Variants in CAGE1 observed in about 807,000 individuals in gnomAD.
The protein encoded by CAGE1 is cancer antigen 1.
In CAGE1, 66 loss-of-function variants were observed where a neutral mutation model predicts 94.9. The ratio of observed to expected loss-of-function variants is 0.70; its 90% CI spans 0.57 to 0.85. The LOEUF is 0.85. Among genes scored for constraint, CAGE1 ranks in the 40% least tolerant of loss-of-function variants. The pLI is 0.00. For synonymous variants in CAGE1, 319 were observed against 321.0 expected, an observed-to-expected ratio of 0.99 and a Z score of 0.07; for missense variants, 865 against 950.4, an observed-to-expected ratio of 0.91 and a Z score of 1.18.
At chr6:7,358,027 G>GATATAGATATATATATATATATAT (rs1748233178) in intron 9 of CAGE1, among the ~76,000 whole-genome samples, 1 of 48,074 alleles carries the variant, frequency 2.1e-5, no homozygotes, top group African/African-American at 5.9e-5. Context: ...TAAGTTTTGA[G>GATATAGATATATATATATATATAT]ATATATATAT....
chr6:7,334,725 CAAAAAAA>C (rs58790989), intron 11 of CAGE1, among the ~76,000 whole-genome samples: 5 of 67,918 alleles, frequency 7.4e-5, no homozygotes, highest in African/African-American at 4.1e-4. Context: ...GACTCTCTCT[CAAAAAAA>C]AAAAAAAAAA....
chr6:7,389,311 C>T lies in CAGE1; in HGVS notation c.-133G>A, dbSNP rs1290361384. 1 of 456,302 alleles carries T rather than the reference C, an allele frequency of 2.2e-6. No individual in the cohort carries two copies. The highest frequency in any genetic ancestry group is 2.3e-5 in the Admixed American group (1 of 42,582). The allele number at this position is 456,302 out of a possible 1,614,324, so 28.3% of individuals were successfully genotyped here. A position where few individuals can be genotyped will look rare whatever the true frequency, so the allele number is the denominator to read the frequency against. Reference sequence around the variant, plus strand: ...CAGGATCCATAGTTTCTTGGACCCACGCTACGGACCTGGCTCTCCCTCCCT... The same window carrying T: ...CAGGATCCATAGTTTCTTGGACCCATGCTACGGACCTGGCTCTCCCTCCCT... On this transcript the variant is annotated 5_prime_UTR_variant, in exon 1 of 14. In the 5' UTR this introduces an upstream ATG that the reference lacks. Coordinates refer to ENST00000502583, the MANE Select transcript of CAGE1 (RefSeq NM_001170692.2).
intron 2 of CAGE1, among the ~76,000 whole-genome samples, chr6:7,386,776 G>A (rs1427011026): frequency 6.6e-6 from 1 of 152,142 alleles, no homozygotes; most frequent in Non-Finnish European, 1.5e-5. Context: ...TAGCAGAGAT[G>A]GGGTCTCACC....
Position 7,329,865 on chromosome 6 carries a change from G to T in CAGE1, c.2462C>A (p.Pro821Gln). The T allele has an allele frequency of 2.1e-6, 3 of 1,458,378 alleles. No individual in the cohort carries two copies. Among genetic ancestry groups the T allele is most frequent in the Non-Finnish European group, 2.9e-6 (3 of 1,051,288 alleles). The allele number at this position is 1,458,378 out of a possible 1,614,324, so 90.3% of individuals were successfully genotyped here. A position where few individuals can be genotyped will look rare whatever the true frequency, so the allele number is the denominator to read the frequency against. Reference sequence around the variant, plus strand: ...GTGACCTACCATGGTCATGGACTTCGGATGATTTTCTAAGCTTTTTGATCT... The same window carrying T: ...GTGACCTACCATGGTCATGGACTTCTGATGATTTTCTAAGCTTTTTGATCT... ...KPRSKSLENH[P>Q]KSMTMMPALF... is the part of the protein sequence containing the mutation. The change falls in exon 13 of 14, where the codon CCG becomes CAG. Residue 821 changes from proline (P) to glutamine (Q), a missense_variant. Coordinates refer to ENST00000502583, the MANE Select transcript of CAGE1 (RefSeq NM_001170692.2).
chr6:7,349,752 G>T (rs1328466287), intron 11 of CAGE1, among the ~76,000 whole-genome samples: 3 of 151,980 alleles, frequency 2.0e-5, no homozygotes, highest in Non-Finnish European at 2.9e-5. Flanking sequence ...GGCCAACATG[G>T]TGAAACCCCA....
At chr6:7,358,959 C>T (rs184777637) in intron 9 of CAGE1, among the ~76,000 whole-genome samples, 101 of 152,326 alleles carry the variant, frequency 6.6e-4, no homozygotes, top group African/African-American at 2.2e-3. Flanking sequence ...GCATTTGCTC[C>T]ACATTCTCTC....
At chr6:7,337,214 C>A (rs564579727) in intron 11 of CAGE1, among the ~76,000 whole-genome samples, 1 of 151,310 alleles carries the variant, frequency 6.6e-6, no homozygotes, top group East Asian at 1.9e-4. Flanking sequence ...GTAGTCCCAG[C>A]TACTTGAGAG....
intron 6 of CAGE1, among the ~76,000 whole-genome samples, chr6:7,369,494 C>T (rs375051181): frequency 6.6e-6 from 1 of 152,148 alleles, no homozygotes; most frequent in African/African-American, 2.4e-5. Context: ...ACTTTTCATT[C>T]TACTAATGTA....
chr6:7,345,234 C>T (rs1332731555), intron 11 of CAGE1, among the ~76,000 whole-genome samples: 9 of 148,602 alleles, frequency 6.1e-5, no homozygotes, highest in Non-Finnish European at 8.8e-5. Flanking sequence ...ACCAGCCTAC[C>T]AAGAAGAAGG....
chr6:7,329,172 A>C, intron 13 of CAGE1: 1 of 395,132 alleles, frequency 2.5e-6, no homozygotes. Flanking sequence ...AACTCAAGTG[A>C]TCCACCCGCC....
Position 7,378,680 on chromosome 6 carries a change from C to T in CAGE1, c.624G>A (p.Leu208=). 2 of 1,612,630 alleles carry T rather than the reference C, an allele frequency of 1.2e-6. No individual in the cohort carries two copies. The highest frequency in any genetic ancestry group is 1.7e-6 in the Non-Finnish European group (2 of 1,179,540). Reference sequence around the variant, plus strand: ...CAGATTCCTTGGCAATACTTTTAGCCAGTGACTTTTCTGTAAATTTCAGCA... The same window carrying T: ...CAGATTCCTTGGCAATACTTTTAGCTAGTGACTTTTCTGTAAATTTCAGCA... ...GEMLKFTEKS[L]AKSIAKESAL... Residue 208 remains leucine, a synonymous_variant, in exon 4 of 14, where the codon CTG becomes CTA. Coordinates refer to ENST00000502583, the MANE Select transcript of CAGE1 (RefSeq NM_001170692.2).
chr6:7,368,724 C>G lies in CAGE1; in HGVS notation c.1968G>C (p.Lys656Asn), dbSNP rs146115743. 3 of 1,549,536 alleles carry G rather than the reference C, an allele frequency of 1.9e-6. No homozygotes were observed. Among genetic ancestry groups the G allele is most frequent in the African/African-American group, 2.7e-5 (2 of 73,058 alleles). ...AAGTTTTCTTTTTAAGATGGAGGCT[C>G]TTCAGTTTTTGCAGCATTATATCAC... ...KVSDIMLQKLKSLHLKKKTLD... is the reference protein window; with the variant it reads ...KVSDIMLQKLNSLHLKKKTLD... Residue 656 changes from lysine (K) to asparagine (N), a missense_variant, in exon 7 of 14, where the codon AAG (lysine) becomes AAC (asparagine). Physicochemically the swap from Lys to Asn is moderately conservative, Grantham distance 94. Coordinates refer to ENST00000502583, the MANE Select transcript of CAGE1 (RefSeq NM_001170692.2).
chr6:7,361,405 G>C (rs1760162014), intron 9 of CAGE1, among the ~76,000 whole-genome samples: 2 of 152,122 alleles, frequency 1.3e-5, no homozygotes. Flanking sequence ...TTATTAAGTG[G>C]TAAAATGAAT....
intron 6 of CAGE1, among the ~76,000 whole-genome samples, chr6:7,369,543 C>T (rs60420382): frequency 0.018 from 2,680 of 152,228 alleles, 80 homozygotes; most frequent in African/African-American, 0.061. Context: ...CCTAACCAAA[C>T]GTGGTATTTT....
intron 4 of CAGE1, among the ~76,000 whole-genome samples, chr6:7,375,435 A>C (rs1438412396): frequency 2.0e-5 from 3 of 151,782 alleles, no homozygotes; most frequent in African/African-American, 7.3e-5. Context: ...AACAAACAAA[A>C]AAAACAAAAA....
rs1209554040 is a variant in CAGE1, at chr6:7,339,376, G to A, written c.2370-5286C>T. The A allele has an allele frequency of 6.8e-6, 11 of 1,607,216 alleles. No individual in the cohort carries two copies. Among genetic ancestry groups the A allele is most frequent in the South Asian group, 6.6e-5 (6 of 90,918 alleles). On this transcript the variant is annotated intron_variant, in intron 11 of 13. Coordinates refer to ENST00000502583, the MANE Select transcript of CAGE1 (RefSeq NM_001170692.2). This position sits in a 1 kb window ranked among gnomAD's most constrained non-coding sequence, Gnocchi z 4.7. ...ACTACAGCAGTCAGTTCCCGAATCC[G>A]CCGGCCCTTCTCACCAAGAACATTC...
At chr6:7,382,038 C>T (rs1376876304) in intron 3 of CAGE1, among the ~76,000 whole-genome samples, 1 of 151,504 alleles carries the variant, frequency 6.6e-6, no homozygotes, top group Non-Finnish European at 1.5e-5. Flanking sequence ...CGGGGTTTCA[C>T]CGTGTTAGCC....
At chr6:7,341,381 T>C (rs1759168552) in intron 11 of CAGE1, 1 of 798,638 alleles carries the variant, frequency 1.3e-6, no homozygotes, top group Non-Finnish European at 2.2e-6. Context: ...TTTTCATGCT[T>C]AGGACACTGT....
chr6:7,345,319 C>T (rs1018698299), intron 11 of CAGE1, among the ~76,000 whole-genome samples: 64 of 152,006 alleles, frequency 4.2e-4, no homozygotes, highest in African/African-American at 1.2e-3. Flanking sequence ...TCTGAACCAG[C>T]GAGACCACTA....
Sources: allele counts gnomAD v4.1 joint callset (sites outside exome capture counted in the v4.1 genomes callset), GRCh38; gene constraint gnomAD v4.1.1; non-coding constraint Gnocchi (gnomAD v3.1); transcripts MANE v1.5; gene names NCBI Gene and HGNC (gene_info 2026-07-23, HGNC 2026-07-21).